MYBPHL: variants seen among roughly 807,000 people sequenced by gnomAD.
MYBPHL encodes the protein myosin-binding protein H-like.
MYBPHL carries 32 observed loss-of-function variants against 39.5 expected under a neutral mutation model. The observed-to-expected ratio is 0.81, with a 90% CI of 0.61 to 1.09. The LOEUF is 1.09. MYBPHL is among the 50% of genes least tolerant of loss of function. MYBPHL has a pLI of 0.00. For missense variants in MYBPHL, 456 were observed against 460.2 expected, an observed-to-expected ratio of 0.99 and a Z score of 0.08; for synonymous variants, 196 against 183.7, an observed-to-expected ratio of 1.07 and a Z score of -0.54.
chr1:109,295,675 G>C (rs1658034061), intron 6 of MYBPHL, among the ~76,000 whole-genome samples: 1 of 152,302 alleles, frequency 6.6e-6, no homozygotes, highest in African/African-American at 2.4e-5. Flanking sequence ...TGTCCCCTCT[G>C]GTTAGAGAGT....
At chr1:109,298,701 G>T (rs76569103) in intron 1 of MYBPHL, among the ~76,000 whole-genome samples, 2 of 151,924 alleles carry the variant, frequency 1.3e-5, no homozygotes, top group African/African-American at 2.4e-5. Flanking sequence ...TCCCAGTTAG[G>T]TGTGGGTCTC....
intron 5 of MYBPHL, 128 bp from the exon 6 acceptor site, chr1:109,296,498 G>A: frequency 1.6e-6 from 2 of 1,221,798 alleles, no homozygotes; most frequent in Non-Finnish European, 2.3e-6. Context: ...GAGTGCAGTG[G>A]CACGATCTCA....
In MYBPHL at chr1:109,297,130, G is replaced by A; in HGVS notation, c.490C>T (p.Leu164=). The change falls in exon 4 of 9, where the codon CTG becomes TTG. Residue 164 remains leucine (L), a synonymous_variant. Coordinates refer to ENST00000357155, the MANE Select transcript of MYBPHL (RefSeq NM_001010985.3). ...GTATCTTGGGGCGGTGTCCATTCCA[G>A]TGTAGCGCTGAAGCCCCAAACGTCC... is the stretch of plus-strand genomic sequence containing the variant. ...LVDVWGFSAT[L]EWTPPQDTGN... is the part of the protein sequence containing the mutation. 6.2e-7 allele frequency: 1 copy of A among 1,614,206 alleles called. No homozygotes were observed.
chr1:109,305,454 C>G (rs1658433421), intron 1 of MYBPHL, among the ~76,000 whole-genome samples: 1 of 152,142 alleles, frequency 6.6e-6, no homozygotes, highest in Non-Finnish European at 1.5e-5. Flanking sequence ...ATTTGCGGGC[C>G]CGTGACTGGG....
intron 2 of MYBPHL, among the ~76,000 whole-genome samples, chr1:109,297,900 G>C (rs1025215331): frequency 2.6e-5 from 4 of 152,188 alleles, no homozygotes; most frequent in Non-Finnish European, 5.9e-5. Context: ...AAACTCCCAA[G>C]AACCCTTCTA....
rs563141301 is a variant in MYBPHL at position 109,293,684 on chromosome 1, G to A, written c.*33+522C>T. On this transcript the variant is annotated intron_variant, in intron 8 of 8. Coordinates refer to ENST00000357155, the MANE Select transcript of MYBPHL (RefSeq NM_001010985.3). The stretch of plus-strand genomic sequence containing the variant: ...GAACCCGGCAGGCAGAGCTTGCAGT[G>A]AGCCGAGATAGCGCCACTGCACTCC... Among the ~76,000 whole-genome samples, 12 of 152,070 alleles carry A rather than the reference G, an allele frequency of 7.9e-5. No homozygotes were observed. In the East Asian group the frequency reaches 2.1e-3, roughly 27 times the overall value.
chr1:109,295,334 C>A (rs765469856), intron 6 of MYBPHL, 37 bp from the exon 7 acceptor site: 2 of 1,587,094 alleles, frequency 1.3e-6, no homozygotes, highest in Non-Finnish European at 1.7e-6. Context: ...CAAGGAGGGG[C>A]GAGGGTAAGA....
intron 1 of MYBPHL, among the ~76,000 whole-genome samples, chr1:109,305,274 TG>T (rs1658424586): frequency 6.6e-6 from 1 of 152,250 alleles, no homozygotes; most frequent in Non-Finnish European, 1.5e-5. Context: ...TTTGAACTCA[TG>T]ACTTCTTTGT....
chr1:109,297,392 C>A (rs552763425), intron 3 of MYBPHL, 30 bp downstream of exon 3: 47 of 1,588,768 alleles, frequency 3.0e-5, no homozygotes, highest in Non-Finnish European at 3.6e-5. Flanking sequence ...TTCCTGAGGA[C>A]CCCCCCATCT....
At chr1:109,294,145 C>T (rs1657970704) in intron 8 of MYBPHL, 61 bp downstream of exon 8, 1 of 1,154,898 alleles carries the variant, frequency 8.7e-7, no homozygotes. Flanking sequence ...GTCCCTGACT[C>T]AACAACACTA....
At chr1:109,302,717 A>G (rs113448284) in intron 1 of MYBPHL, among the ~76,000 whole-genome samples, 57 of 152,106 alleles carry the variant, frequency 3.7e-4, no homozygotes, top group African/African-American at 1.2e-3. Flanking sequence ...CATTCTCTAG[A>G]CCAAGAGCTA....
In MYBPHL at chr1:109,294,297, G is replaced by A. The variant is rs199544349; in HGVS notation, c.1055-48C>T. 3.4e-4 allele frequency: 534 copies of A among 1,586,988 alleles called. 6 individuals carry two copies. The African/African-American group carries it at 6.9e-3, about 20-fold the overall frequency. On this transcript the variant is annotated intron_variant, in intron 7 of 8. Transcript: ENST00000357155. ...CAGTGTTAACATCTCAGAAATCTCT[G>A]AGAAACTTTCTTTCAGAGCATTAGA...
chr1:109,294,352 A>T, intron 7 of MYBPHL, 103 bp from the exon 8 acceptor site: 1 of 1,119,680 alleles, frequency 8.9e-7, no homozygotes. Context: ...GTTCTTGGGG[A>T]GTCAATGGTG....
intron 1 of MYBPHL, among the ~76,000 whole-genome samples, chr1:109,302,933 A>T (rs1425933168): frequency 6.6e-6 from 1 of 152,228 alleles, no homozygotes; most frequent in Admixed American, 6.5e-5. Context: ...TGAGAATCAC[A>T]TCTGGTCCCA....
intron 1 of MYBPHL, among the ~76,000 whole-genome samples, chr1:109,301,718 G>A (rs562706603): frequency 3.1e-4 from 46 of 150,456 alleles, no homozygotes; most frequent in African/African-American, 1.1e-3. Context: ...TCCAGCCTGG[G>A]CAATAAGAAC....
intron 1 of MYBPHL, among the ~76,000 whole-genome samples, chr1:109,306,308 C>T (rs376196457): frequency 4.6e-5 from 7 of 152,252 alleles, no homozygotes; most frequent in African/African-American, 7.2e-5. Flanking sequence ...GCTCCACTTC[C>T]GTGGAGCTCA....
chr1:109,305,182 C>T (rs1396007442), intron 1 of MYBPHL, among the ~76,000 whole-genome samples: 1 of 152,190 alleles, frequency 6.6e-6, no homozygotes, highest in Non-Finnish European at 1.5e-5. Flanking sequence ...GGTTAAGACC[C>T]TGATTTGGTT....
rs190025194 is a variant in MYBPHL at position 109,296,083 on chromosome 1, C to A, written c.867+151G>T. ...GTCCGTCTTGGACTCCAAGCACCCC[C>A]CCGACTGTTCCTAAATACCGTGCTG... is the stretch of plus-strand genomic sequence containing the variant. On this transcript the variant is annotated intron_variant, in intron 6 of 8. Transcript: ENST00000357155. 86 of 931,040 alleles carry A rather than the reference C, an allele frequency of 9.2e-5. No individual in the cohort carries two copies. In the African/African-American group the frequency reaches 1.3e-3, roughly 14 times the overall value. 57.7% of individuals were successfully genotyped at this position (931,040 alleles called of 1,614,324 possible).
rs1396401539 is a variant in MYBPHL, at chr1:109,296,288, A to G, written c.813T>C (p.Thr271=). ...GCTGGGTATTATAGCCGGTGACTGT[A>G]GTGCAGTCGGCCAGAGGCTGGGTAA... The part of the protein sequence containing the change: ...PKFTQPLADC[T]TVTGYNTQLF... The change falls in exon 6 of 9, where the codon ACT becomes ACC. Residue 271 remains threonine, a synonymous_variant. Transcript: ENST00000357155. 1 of 1,614,032 alleles carries G rather than the reference A, an allele frequency of 6.2e-7. No homozygotes were observed. The highest frequency in any genetic ancestry group is 8.5e-7 in the Non-Finnish European group (1 of 1,179,926).
Sources: gnomAD v4.1 joint callset for allele counts (sites outside exome capture counted in the v4.1 genomes callset) on GRCh38, gnomAD v4.1.1 for gene constraint, MANE v1.5 for transcripts, NCBI Gene and HGNC (gene_info 2026-07-23, HGNC 2026-07-21) for gene names.